Variants in MAST2 observed in about 807,000 individuals in gnomAD.
MAST2 encodes microtubule associated serine/threonine kinase 2, also known as microtubule-associated serine/threonine-protein kinase 2.
MAST2 carries 70 observed loss-of-function variants against 147.4 expected under a neutral mutation model. The observed-to-expected ratio is 0.47, with a 90% CI of 0.39 to 0.58. The LOEUF (loss-of-function observed/expected upper bound fraction) is 0.58. MAST2 is among the 20% of genes least tolerant of loss of function. MAST2 has a pLI of 0.00. For missense variants in MAST2, 2,080 were observed against 2,302.3 expected, an observed-to-expected ratio of 0.90 and a Z score of 1.98; for synonymous variants, 869 against 896.8, an observed-to-expected ratio of 0.97 and a Z score of 0.55.
At chr1:46,028,131 G>A (rs1646495223) in intron 17 of MAST2, among the ~76,000 whole-genome samples, 1 of 152,248 alleles carries the variant, frequency 6.6e-6, no homozygotes, top group Non-Finnish European at 1.5e-5. Flanking sequence ...TTGGGTTCCA[G>A]AGAGGCACTG....
chr1:45,988,793 C>G (rs1644749340), intron 5 of MAST2, among the ~76,000 whole-genome samples: 1 of 152,132 alleles, frequency 6.6e-6, no homozygotes, highest in Admixed American at 6.6e-5. Flanking sequence ...CTCCTTTCCC[C>G]CCTTGACTTA....
chr1:45,949,092 G>A (rs1658541316), intron 4 of MAST2, among the ~76,000 whole-genome samples: 1 of 152,062 alleles, frequency 6.6e-6, no homozygotes, highest in Non-Finnish European at 1.5e-5. Context: ...AACTCAAGAT[G>A]CGTTAAAGAC....
chr1:45,885,840 A>G (rs932572939), intron 4 of MAST2, among the ~76,000 whole-genome samples: 1 of 152,162 alleles, frequency 6.6e-6, no homozygotes, highest in African/African-American at 2.4e-5. Flanking sequence ...TTTCCATTCT[A>G]CTTAAGAGAG....
chr1:45,942,948 C>G (rs966205692), intron 4 of MAST2, among the ~76,000 whole-genome samples: 2 of 152,048 alleles, frequency 1.3e-5, no homozygotes, highest in African/African-American at 4.8e-5. Context: ...TTTCCTGGTC[C>G]CCTTTAGAAG....
intron 1 of MAST2, among the ~76,000 whole-genome samples, chr1:45,815,513 G>C (rs1156944626): frequency 6.6e-6 from 1 of 152,092 alleles, no homozygotes; most frequent in African/African-American, 2.4e-5. Context: ...TTGAAAAGCA[G>C]AGGATTTAGA....
At chr1:45,889,995 GGCCTCCCAAA>G (rs1647465536) in intron 4 of MAST2, among the ~76,000 whole-genome samples, 2 of 151,976 alleles carry the variant, frequency 1.3e-5, no homozygotes, top group Non-Finnish European at 2.9e-5. Flanking sequence ...CGCCTGCCTC[GGCCTCCCAAA>G]AGTGCTGGGA....
chr1:46,020,570 C>T (rs1298058322), intron 11 of MAST2, among the ~76,000 whole-genome samples: 1 of 152,088 alleles, frequency 6.6e-6, no homozygotes, highest in Non-Finnish European at 1.5e-5. Context: ...TAAAATATAT[C>T]CCTTTGATGG....
At position 46,031,648 on chromosome 1, in the gene MAST2, G is replaced by C; in HGVS notation, c.3187+63G>C. 1 of 1,509,006 alleles carries C rather than the reference G, an allele frequency of 6.6e-7. No individual in the cohort carries two copies. The highest frequency in any genetic ancestry group is 9.0e-7 in the Non-Finnish European group (1 of 1,107,710). 93.5% of individuals were successfully genotyped at this position (1,509,006 alleles called of 1,614,324 possible). Reference sequence around the variant, plus strand: ...AGGGCCTTGTAATCTCTAGGCCTTGGGAGGGTTCTGCACGTGGCAGGTGTG... The same window carrying C: ...AGGGCCTTGTAATCTCTAGGCCTTGCGAGGGTTCTGCACGTGGCAGGTGTG... On this transcript the variant is annotated intron_variant, in intron 24 of 28. Coordinates refer to ENST00000361297, the MANE Select transcript of MAST2 (RefSeq NM_015112.3). The surrounding 1 kb of genome is among the most constrained non-coding windows in gnomAD (Gnocchi z 4.1).
chr1:46,009,814 T>C (rs949686258), intron 9 of MAST2, among the ~76,000 whole-genome samples: 1 of 152,210 alleles, frequency 6.6e-6, no homozygotes, highest in African/African-American at 2.4e-5. Context: ...ACCACATATA[T>C]ATGTATGTAG....
At chr1:45,881,536 A>G (rs1646844397) in intron 3 of MAST2, among the ~76,000 whole-genome samples, 1 of 152,254 alleles carries the variant, frequency 6.6e-6, no homozygotes. Flanking sequence ...ACACTTGGAA[A>G]GCAAGTCACA....
At chr1:45,817,885 C>T (rs1278636916) in intron 1 of MAST2, among the ~76,000 whole-genome samples, 1 of 152,150 alleles carries the variant, frequency 6.6e-6, no homozygotes, top group Non-Finnish European at 1.5e-5. Context: ...GGAACCATTA[C>T]AATCAACACA....
chr1:45,962,477 A>G (rs1315430967), intron 5 of MAST2, among the ~76,000 whole-genome samples: 3 of 152,308 alleles, frequency 2.0e-5, no homozygotes, highest in Admixed American at 2.0e-4. Flanking sequence ...CTGGTGCAAG[A>G]TGATATCTCA....
chr1:45,898,253 CAG>C (rs1270515796), intron 4 of MAST2, among the ~76,000 whole-genome samples: 1 of 152,172 alleles, frequency 6.6e-6, no homozygotes, highest in Non-Finnish European at 1.5e-5. Context: ...ACCAGAAAAA[CAG>C]AGAAAAAGTC....
intron 11 of MAST2, among the ~76,000 whole-genome samples, chr1:46,021,260 C>T (rs1646168795): frequency 6.6e-6 from 1 of 152,178 alleles, no homozygotes; most frequent in Non-Finnish European, 1.5e-5. Flanking sequence ...GAGCAGAGAG[C>T]CTCTCCCTCA....
intron 4 of MAST2, among the ~76,000 whole-genome samples, chr1:45,950,128 A>C (rs569121411): frequency 6.6e-6 from 1 of 152,288 alleles, no homozygotes; most frequent in Admixed American, 6.5e-5. Flanking sequence ...GCTAGGCTTA[A>C]TATCTGGGTG....
intron 10 of MAST2, among the ~76,000 whole-genome samples, chr1:46,016,994 A>G (rs1441632759): frequency 3.3e-5 from 5 of 151,944 alleles, no homozygotes; most frequent in Non-Finnish European, 5.9e-5. Context: ...TCAATGGAAC[A>G]GAACAGAGCC....
intron 3 of MAST2, among the ~76,000 whole-genome samples, chr1:45,845,628 A>G (rs1645406865): frequency 6.6e-6 from 1 of 152,226 alleles, no homozygotes; most frequent in African/African-American, 2.4e-5. Flanking sequence ...TATCTCTTAG[A>G]AGAAAAAGTA....
intron 5 of MAST2, among the ~76,000 whole-genome samples, chr1:45,970,358 G>T (rs1356096813): frequency 6.6e-6 from 1 of 152,080 alleles, no homozygotes; most frequent in Non-Finnish European, 1.5e-5. Context: ...TGCTATGGAG[G>T]TTTCTGCTTA....
chr1:46,022,266 G>T (rs890280307), intron 12 of MAST2, among the ~76,000 whole-genome samples, 184 bp downstream of exon 12: 1 of 152,212 alleles, frequency 6.6e-6, no homozygotes, highest in Non-Finnish European at 1.5e-5. Flanking sequence ...TGGAACTGCT[G>T]TTCACATCTG....
Sources: allele counts gnomAD v4.1 joint callset (sites outside exome capture counted in the v4.1 genomes callset), GRCh38; gene constraint gnomAD v4.1.1; non-coding constraint Gnocchi (gnomAD v3.1); transcripts MANE v1.5; gene names NCBI Gene and HGNC (gene_info 2026-07-23, HGNC 2026-07-21).